KCNIP4: variants seen among roughly 807,000 people sequenced by gnomAD.
KCNIP4 encodes potassium voltage-gated channel interacting protein 4.
In KCNIP4, 12 loss-of-function variants were observed where a neutral mutation model predicts 34.0. That is an observed-to-expected ratio of 0.35 (90% CI 0.23 to 0.57). The LOEUF (loss-of-function observed/expected upper bound fraction) is 0.57. Ranked by LOEUF, KCNIP4 falls within the 20% of genes least tolerant of loss-of-function variation. The pLI is 0.83. For missense variants in KCNIP4, 238 were observed against 311.7 expected, an observed-to-expected ratio of 0.76 and a Z score of 1.78; for synonymous variants, 124 against 102.2, an observed-to-expected ratio of 1.21 and a Z score of -1.29.
chr4:20,871,690 A>G (rs1429442729), intron 2 of KCNIP4, among the ~76,000 whole-genome samples: 1 of 152,152 alleles, frequency 6.6e-6, no homozygotes, highest in Non-Finnish European at 1.5e-5. Flanking sequence ...CACAGTTTCC[A>G]CATGGTCTTT....
chr4:21,030,673 C>T (rs1055101387), intron 1 of KCNIP4, among the ~76,000 whole-genome samples: 1 of 152,068 alleles, frequency 6.6e-6, no homozygotes, highest in African/African-American at 2.4e-5. Flanking sequence ...ACGCATGTTG[C>T]TTTTATCATC....
chr4:20,736,042 G>C (rs2149280407), intron 5 of KCNIP4, among the ~76,000 whole-genome samples: 1 of 152,078 alleles, frequency 6.6e-6, no homozygotes, highest in Non-Finnish European at 1.5e-5. Flanking sequence ...TTTTAAATAA[G>C]TAACATCCAT....
chr4:21,003,044 GCAA>G (rs1738274140), intron 1 of KCNIP4, among the ~76,000 whole-genome samples: 1 of 152,072 alleles, frequency 6.6e-6, no homozygotes, highest in South Asian at 2.1e-4. Flanking sequence ...GACAATCACA[GCAA>G]CAACATCATG....
At chr4:21,861,391 T>C (rs1409680319) in intron 1 of KCNIP4, among the ~76,000 whole-genome samples, 1 of 152,132 alleles carries the variant, frequency 6.6e-6, no homozygotes, top group Non-Finnish European at 1.5e-5. Context: ...GCTCAAGCTT[T>C]AAAAATATTC....
intron 1 of KCNIP4, among the ~76,000 whole-genome samples, chr4:21,518,084 T>A (rs954981199): frequency 2.0e-5 from 3 of 152,128 alleles, no homozygotes; most frequent in African/African-American, 7.2e-5. Flanking sequence ...CCCAAGACTT[T>A]GAGATTCCAA....
At chr4:21,413,768 G>GACAA (rs1171756262) in intron 1 of KCNIP4, among the ~76,000 whole-genome samples, 4 of 152,150 alleles carry the variant, frequency 2.6e-5, no homozygotes, top group Non-Finnish European at 5.9e-5. Context: ...TTCAGTCCCT[G>GACAA]ACAAGAACCC....
At chr4:21,528,728 A>G (rs13105163) in intron 1 of KCNIP4, among the ~76,000 whole-genome samples, 93 of 8,414 alleles carry the variant, frequency 0.011, 2 homozygotes, top group African/African-American at 0.018. Flanking sequence ...AGAAAGAAAG[A>G]AAGAAAGAAA....
rs1321668592 is a variant in KCNIP4, at chr4:21,483,051, G to A, written c.61+465520C>T. On this transcript the variant is annotated intron_variant, in intron 1 of 8. Transcript: ENST00000382152. ...AATGAGAACACTTGGACACAGGAAG[G>A]GGAACATCACACACTGGGGCCTGTT... 1.0e-4 allele frequency among the ~76,000 whole-genome samples: 15 copies of A among 144,884 alleles called. No homozygotes were observed. The South Asian group carries it at 3.0e-3, about 29-fold the overall frequency.
At chr4:20,781,052 T>C (rs1756825064) in intron 3 of KCNIP4, among the ~76,000 whole-genome samples, 1 of 152,192 alleles carries the variant, frequency 6.6e-6, no homozygotes, top group East Asian at 1.9e-4. Context: ...CCTATTTTTC[T>C]TTGTTATTGT....
chr4:21,621,093 T>C (rs1168996188), intron 1 of KCNIP4, among the ~76,000 whole-genome samples: 1 of 152,176 alleles, frequency 6.6e-6, no homozygotes, highest in Non-Finnish European at 1.5e-5. Flanking sequence ...ACAATGGATG[T>C]GAAGTGAGCC....
intron 1 of KCNIP4, among the ~76,000 whole-genome samples, chr4:21,469,771 C>T (rs562174324): frequency 2.6e-5 from 4 of 152,054 alleles, no homozygotes; most frequent in South Asian, 2.1e-4. Flanking sequence ...TGGCCAGGCA[C>T]GTCTGCTCAA....
At chr4:21,030,755 A>G (rs902334900) in intron 1 of KCNIP4, among the ~76,000 whole-genome samples, 2 of 152,204 alleles carry the variant, frequency 1.3e-5, no homozygotes, top group African/African-American at 4.8e-5. Context: ...TCAGAAGCTC[A>G]ATGAAGTGTA....
At chr4:21,417,837 T>G (rs1007594451) in intron 1 of KCNIP4, among the ~76,000 whole-genome samples, 1 of 151,964 alleles carries the variant, frequency 6.6e-6, no homozygotes, top group Admixed American at 6.6e-5. Flanking sequence ...AGGGTAGGAG[T>G]CACTGTGCCA....
chr4:21,947,329 G>A (rs1730562138), intron 1 of KCNIP4, among the ~76,000 whole-genome samples: 1 of 152,144 alleles, frequency 6.6e-6, no homozygotes, highest in Non-Finnish European at 1.5e-5. Context: ...GCATCTCCAG[G>A]CATAAGTGAA....
At chr4:21,138,647 T>G (rs1577764161) in intron 1 of KCNIP4, among the ~76,000 whole-genome samples, 1 of 152,098 alleles carries the variant, frequency 6.6e-6, no homozygotes, top group South Asian at 2.1e-4. Flanking sequence ...ACTTACATAC[T>G]AAAAGGGACT....
intron 1 of KCNIP4, among the ~76,000 whole-genome samples, chr4:21,862,464 T>G (rs1229453575): frequency 6.6e-6 from 1 of 152,108 alleles, no homozygotes; most frequent in Admixed American, 6.5e-5. Flanking sequence ...CAAATGATGG[T>G]AACTGCCACA....
chr4:21,352,714 A>T (rs1056897252), intron 1 of KCNIP4, among the ~76,000 whole-genome samples: 1 of 152,264 alleles, frequency 6.6e-6, no homozygotes, highest in Admixed American at 6.5e-5. Flanking sequence ...GCTGAACAAA[A>T]GGCAGCAGAA....
At chr4:21,462,510 C>A (rs898385121) in intron 1 of KCNIP4, among the ~76,000 whole-genome samples, 1 of 152,060 alleles carries the variant, frequency 6.6e-6, no homozygotes, top group Non-Finnish European at 1.5e-5. Flanking sequence ...CCACAACACA[C>A]GGGAATTCAA....
At chr4:21,331,842 T>A (rs1454397197) in intron 1 of KCNIP4, among the ~76,000 whole-genome samples, 4 of 152,068 alleles carry the variant, frequency 2.6e-5, no homozygotes, top group African/African-American at 9.7e-5. Flanking sequence ...ATATGGGATG[T>A]TTCATATTTC....
Sources: gnomAD v4.1 joint callset for allele counts (sites outside exome capture counted in the v4.1 genomes callset) on GRCh38, gnomAD v4.1.1 for gene constraint, MANE v1.5 for transcripts, NCBI Gene and HGNC (gene_info 2026-07-23, HGNC 2026-07-21) for gene names.